The following LPAR1 variants were observed in gnomAD, a reference collection of about 807,000 sequenced individuals.
The protein encoded by LPAR1 is LPA receptor 1.
LPAR1 carries 5 observed loss-of-function variants against 23.8 expected under a neutral mutation model. The observed-to-expected ratio is 0.21, with a 90% CI of 0.11 to 0.44. LPAR1 has a LOEUF of 0.44. Ranked by LOEUF, LPAR1 falls within the 20% of genes least tolerant of loss-of-function variation. The pLI, the probability that LPAR1 is intolerant of heterozygous loss-of-function variation, is 0.99. For missense variants in LPAR1, 311 were observed against 482.8 expected, an observed-to-expected ratio of 0.64 and a Z score of 3.33; for synonymous variants, 160 against 164.7, an observed-to-expected ratio of 0.97 and a Z score of 0.22.
At chr9:110,959,137 CTA>C (rs1172254715) in intron 4 of LPAR1, among the ~76,000 whole-genome samples, 2 of 34,654 alleles carry the variant, frequency 5.8e-5, no homozygotes, top group Non-Finnish European at 9.1e-5. Flanking sequence ...AGTACAGTGA[CTA>C]TTAAAAAAAA....
chr9:111,032,556 T>C (rs1408038581), intron 2 of LPAR1, among the ~76,000 whole-genome samples: 1 of 152,088 alleles, frequency 6.6e-6, no homozygotes, highest in Non-Finnish European at 1.5e-5. Flanking sequence ...GAAAAAAAGT[T>C]TCCTCTGCCC....
intron 5 of LPAR1, among the ~76,000 whole-genome samples, chr9:110,890,879 A>G (rs1049641966): frequency 2.6e-5 from 4 of 152,228 alleles, no homozygotes; most frequent in African/African-American, 9.6e-5. Context: ...AAGGAAGATA[A>G]AACACCACCA....
At chr9:110,883,462 C>A (rs2081423136) in intron 5 of LPAR1, among the ~76,000 whole-genome samples, 1 of 151,700 alleles carries the variant, frequency 6.6e-6, no homozygotes, top group South Asian at 2.1e-4. Context: ...GAAGGAAGAA[C>A]AAAACAGTTT....
intron 2 of LPAR1, among the ~76,000 whole-genome samples, chr9:111,017,337 T>C (rs1305460914): frequency 6.6e-6 from 1 of 152,210 alleles, no homozygotes; most frequent in Non-Finnish European, 1.5e-5. Context: ...GGTACCTTCA[T>C]TCAGTTCCCA....
At position 110,874,979 on chromosome 9, in the gene LPAR1, A is replaced by T. The variant is rs1281405289; in HGVS notation, c.*442T>A. 1 of 153,534 alleles carries T rather than the reference A, an allele frequency of 6.5e-6. No homozygotes were observed. Among genetic ancestry groups the T allele is most frequent in the Admixed American group, 6.5e-5 (1 of 15,390 alleles). 9.5% of individuals were successfully genotyped at this position (153,534 alleles called of 1,614,324 possible). On this transcript the variant is annotated 3_prime_UTR_variant, in exon 6 of 6. Coordinates refer to ENST00000683809, the MANE Select transcript of LPAR1 (RefSeq NM_001351411.2). Reference sequence around the variant, plus strand: ...GTCCATAGTCTCATCCATCACAAACATGCTGATAGGCATAAACGTGTTTAT... The same window carrying T: ...GTCCATAGTCTCATCCATCACAAACTTGCTGATAGGCATAAACGTGTTTAT...
chr9:110,965,860 G>C (rs1236529702), intron 4 of LPAR1, among the ~76,000 whole-genome samples: 2 of 152,188 alleles, frequency 1.3e-5, no homozygotes, highest in Non-Finnish European at 2.9e-5. Flanking sequence ...CAATAGCAAA[G>C]ACTTGGAACC....
At chr9:110,926,022 G>C (rs187023084) in intron 5 of LPAR1, among the ~76,000 whole-genome samples, 1 of 152,144 alleles carries the variant, frequency 6.6e-6, no homozygotes, top group African/African-American at 2.4e-5. Context: ...CCGGGTTCGC[G>C]CCATTCTCCT....
At chr9:110,909,123 T>C (rs10980628) in intron 5 of LPAR1, among the ~76,000 whole-genome samples, 24,874 of 152,068 alleles carry the variant, frequency 0.16, 2,600 homozygotes, top group Admixed American at 0.24. Flanking sequence ...TTGTGACTAT[T>C]TTTTTCCCTT....
intron 2 of LPAR1, among the ~76,000 whole-genome samples, chr9:111,011,180 G>A (rs1233750554): frequency 6.8e-6 from 1 of 147,214 alleles, no homozygotes; most frequent in Non-Finnish European, 1.5e-5. Flanking sequence ...TCAATTGACT[G>A]ATTATAGTTT....
chr9:110,952,901 A>T (rs564908659), intron 4 of LPAR1, among the ~76,000 whole-genome samples: 1 of 152,196 alleles, frequency 6.6e-6, no homozygotes, highest in East Asian at 1.9e-4. Flanking sequence ...CCTTGGGATC[A>T]CCCTGCCCCA....
At chr9:111,000,346 T>C (rs1169252922) in intron 2 of LPAR1, among the ~76,000 whole-genome samples, 1 of 152,096 alleles carries the variant, frequency 6.6e-6, no homozygotes, top group African/African-American at 2.4e-5. Flanking sequence ...TAGCCAAATC[T>C]CTTAGTATTG....
intron 2 of LPAR1, among the ~76,000 whole-genome samples, chr9:110,975,439 A>AT (rs1203637665): frequency 1.3e-5 from 2 of 152,226 alleles, no homozygotes; most frequent in Non-Finnish European, 2.9e-5. Context: ...CAGAGGAGAC[A>AT]TCTGAGGCTT....
rs1220314113 is a variant in LPAR1, at chr9:110,942,081, A to G, written c.133T>C (p.Trp45Arg). Residue 45 changes from tryptophan (W) to arginine (R), a missense_variant, in exon 5 of 6, where the codon TGG becomes CGG. Coordinates refer to ENST00000683809, the MANE Select transcript of LPAR1 (RefSeq NM_001351411.2). ...NRSGKHLATE[W>R]NTVSKLVMGL... ...ATCACCAGCTTGCTGACTGTGTTCC[A>G]TTCTGTGGCAAGATGCTTTCCACTT... The G allele has an allele frequency of 2.5e-6, 4 of 1,614,174 alleles. No individual in the cohort carries two copies. In the Admixed American group the frequency reaches 6.7e-5, roughly 27 times the overall value.
chr9:110,986,763 CAG>C (rs1359278862), intron 2 of LPAR1, among the ~76,000 whole-genome samples: 1 of 151,050 alleles, frequency 6.6e-6, no homozygotes, highest in Non-Finnish European at 1.5e-5. Flanking sequence ...CCCTGAATAA[CAG>C]TGTTCAACAG....
chr9:110,946,656 T>A (rs968623696), intron 4 of LPAR1, among the ~76,000 whole-genome samples: 9 of 151,722 alleles, frequency 5.9e-5, no homozygotes, highest in African/African-American at 2.2e-4. Context: ...AGTATTTAAC[T>A]CTTGAGAAAA....
At chr9:110,989,500 G>C (rs1196067028) in intron 2 of LPAR1, among the ~76,000 whole-genome samples, 14 of 152,172 alleles carry the variant, frequency 9.2e-5, no homozygotes, top group Admixed American at 9.2e-4. Flanking sequence ...TAAGTATACT[G>C]TATTGTTGTG....
At chr9:110,975,291 A>C (rs1310155745) in intron 2 of LPAR1, among the ~76,000 whole-genome samples, 1 of 152,220 alleles carries the variant, frequency 6.6e-6, no homozygotes, top group Non-Finnish European at 1.5e-5. Flanking sequence ...CACCAAACAA[A>C]TATGTCATAT....
intron 4 of LPAR1, among the ~76,000 whole-genome samples, chr9:110,968,003 C>T (rs532211327): frequency 7.2e-5 from 11 of 152,246 alleles, no homozygotes; most frequent in Admixed American, 3.9e-4. Context: ...TCCCAAAATA[C>T]GGTGAGAATA....
chr9:110,981,281 G>A (rs1043632942), intron 2 of LPAR1, among the ~76,000 whole-genome samples: 8 of 152,132 alleles, frequency 5.3e-5, no homozygotes, highest in South Asian at 4.2e-4. Flanking sequence ...AGTACAGTAC[G>A]CTAGGGAATC....
Sources: allele counts gnomAD v4.1 joint callset (sites outside exome capture counted in the v4.1 genomes callset), GRCh38; gene constraint gnomAD v4.1.1; transcripts MANE v1.5; gene names NCBI Gene and HGNC (gene_info 2026-07-23, HGNC 2026-07-21).